Variants in RYR3 observed in about 807,000 individuals in gnomAD.
RYR3 encodes ryanodine receptor 3.
In RYR3, 207 loss-of-function variants were observed where a neutral mutation model predicts 584.3. The ratio of observed to expected loss-of-function variants is 0.35; its 90% CI spans 0.32 to 0.40. RYR3 has a LOEUF of 0.40. Among genes scored for constraint, RYR3 ranks in the 10% least tolerant of loss-of-function variants. The probability of loss-of-function intolerance (pLI) is 1.00; values close to 1 mark genes in which losing one functional copy is unlikely to be tolerated. For synonymous variants in RYR3, 2,416 were observed against 2,248.5 expected (o/e 1.07, Z -2.11); for missense variants, 5,616 against 6,089.2 (o/e 0.92, Z 2.59).
chr15:33,398,707 A>T (rs900930103), intron 1 of RYR3, among the ~76,000 whole-genome samples: 3 of 152,172 alleles, frequency 2.0e-5, no homozygotes, highest in Non-Finnish European at 4.4e-5. Flanking sequence ...GTGGTTAGGC[A>T]CACAGCAAAG....
Position 33,384,603 on chromosome 15 carries a change from A to G in RYR3, c.51+73507A>G, listed in dbSNP as rs78072662. The stretch of plus-strand genomic sequence containing the variant: ...CTTATATATACATATCTATATATGC[A>G]CACACACACACACACACACGTTGTG... On this transcript the variant is annotated intron_variant, in intron 1 of 103. Transcript: ENST00000634891. 9.9e-3 allele frequency among the ~76,000 whole-genome samples: 1,422 copies of G among 144,152 alleles called. 28 individuals carry two copies. The highest frequency in any genetic ancestry group is 0.037 in the African/African-American group (1,342 of 36,646). 94.6% of individuals were successfully genotyped at this position (144,152 alleles called of 152,430 possible). A position where few individuals can be genotyped will look rare whatever the true frequency, so the allele number is the denominator to read the frequency against.
At chr15:33,763,892 C>CAAAA (rs796878162) in intron 60 of RYR3, among the ~76,000 whole-genome samples, 36 of 45,808 alleles carry the variant, frequency 7.9e-4, no homozygotes, top group South Asian at 1.2e-3. Context: ...GACTTCATCT[C>CAAAA]AAAAAAAAAA....
chr15:33,748,469 G>A lies in RYR3; in HGVS notation c.8138G>A (p.Gly2713Asp). The change falls in exon 55 of 104, where the codon GGC becomes GAC. Residue 2713 changes from glycine to aspartate, a missense_variant and splice_region_variant. Gly to Asp is a moderately conservative substitution (Grantham distance 94, BLOSUM62 -1). Transcript: ENST00000634891. Reference sequence around the variant, plus strand: ...GTGACTCTGCCTTTGCTTTCCTAGGGCAACAGCTACAGTCCTGCTCCCCTC... The same window carrying A: ...GTGACTCTGCCTTTGCTTTCCTAGGACAACAGCTACAGTCCTGCTCCCCTC... Reference protein sequence around the residue: ...KLRSVSQANQGNSYSPAPLDL... With the variant: ...KLRSVSQANQDNSYSPAPLDL... 6.2e-7 allele frequency: 1 copy of A among 1,613,174 alleles called. No individual in the cohort carries two copies. Among genetic ancestry groups the A allele is most frequent in the Non-Finnish European group, 8.5e-7 (1 of 1,179,642 alleles).
rs565581987 is a variant in RYR3, at chr15:33,573,236, GGCT to G, written c.1268+6440_1268+6442del. Among the ~76,000 whole-genome samples the G allele has an allele frequency of 9.5e-4, 144 of 152,226 alleles. 1 individual carries two copies. Among genetic ancestry groups the G allele is most frequent in the African/African-American group, 3.3e-3 (139 of 41,534 alleles). On this transcript the variant is annotated intron_variant, in intron 12 of 103. Coordinates refer to ENST00000634891, the MANE Select transcript of RYR3 (RefSeq NM_001036.6). Reference sequence around the variant, plus strand: ...AAAATATCAATGCTGAGGGGGTGTGGGCTGCAAAAGTTACAGTGTTTGGATTTT... The same window carrying G: ...AAAATATCAATGCTGAGGGGGTGTGGGCAAAAGTTACAGTGTTTGGATTTT...
At chr15:33,683,553 C>G (rs2064781543) in intron 38 of RYR3, among the ~76,000 whole-genome samples, 1 of 152,174 alleles carries the variant, frequency 6.6e-6, no homozygotes, top group African/African-American at 2.4e-5. Context: ...TGGTCTGCAG[C>G]TCCCAGCATG....
At chr15:33,619,621 A>G (rs1258627633) in intron 19 of RYR3, among the ~76,000 whole-genome samples, 1 of 152,182 alleles carries the variant, frequency 6.6e-6, no homozygotes, top group Non-Finnish European at 1.5e-5. Context: ...AACAAGAACA[A>G]TTTTGTCAGT....
chr15:33,570,574 A>T (rs1255407783), intron 12 of RYR3, among the ~76,000 whole-genome samples: 1 of 152,098 alleles, frequency 6.6e-6, no homozygotes, highest in Non-Finnish European at 1.5e-5. Flanking sequence ...GGTCCTTTGT[A>T]TTCCCATGTA....
chr15:33,612,521 C>G (rs377605420), intron 18 of RYR3, among the ~76,000 whole-genome samples: 1 of 152,112 alleles, frequency 6.6e-6, no homozygotes, highest in African/African-American at 2.4e-5. Context: ...CCACCACACC[C>G]GGCTACTTTT....
intron 1 of RYR3, among the ~76,000 whole-genome samples, chr15:33,464,006 A>G (rs2048246806): frequency 6.6e-6 from 1 of 152,122 alleles, no homozygotes; most frequent in African/African-American, 2.4e-5. Flanking sequence ...AACTAAAATG[A>G]CTAATCTTTC....
chr15:33,339,653 G>A (rs1347030926), intron 1 of RYR3, among the ~76,000 whole-genome samples: 1 of 152,174 alleles, frequency 6.6e-6, no homozygotes, highest in Non-Finnish European at 1.5e-5. Context: ...ACTTTGGGAG[G>A]CCGAGGCGGG....
In RYR3 at chr15:33,673,012, G is replaced by A. The variant is rs1267479754; in HGVS notation, c.5860+2456G>A. Among the ~76,000 whole-genome samples the A allele has an allele frequency of 7.2e-5, 11 of 152,278 alleles. 1 individual carries two copies. The East Asian group carries it at 7.7e-4, about 11-fold the overall frequency. ...GAGTAAAGCTATGGCTTGAAGGCAG[G>A]TCTTCTGTCTCTTTGTATTGTGCTG... On this transcript the variant is annotated intron_variant, in intron 38 of 103. Coordinates refer to ENST00000634891, the MANE Select transcript of RYR3 (RefSeq NM_001036.6).
At chr15:33,468,630 G>A (rs1217222023) in intron 1 of RYR3, among the ~76,000 whole-genome samples, 2 of 152,152 alleles carry the variant, frequency 1.3e-5, no homozygotes, top group Admixed American at 6.5e-5. Flanking sequence ...AACACATTAT[G>A]TTTCCAGCTT....
At chr15:33,689,269 TA>T (rs944796573) in intron 38 of RYR3, among the ~76,000 whole-genome samples, 5 of 151,146 alleles carry the variant, frequency 3.3e-5, no homozygotes, top group African/African-American at 1.2e-4. Context: ...ATACCTAATG[TA>T]AATGACGAGT....
chr15:33,382,301 T>C (rs1050525397), intron 1 of RYR3, among the ~76,000 whole-genome samples: 2 of 149,464 alleles, frequency 1.3e-5, no homozygotes, highest in African/African-American at 5.0e-5. Context: ...CCACAGGAAC[T>C]GCTAATTTTA....
At chr15:33,819,206 C>T (rs899231625) in intron 76 of RYR3, among the ~76,000 whole-genome samples, 5 of 152,232 alleles carry the variant, frequency 3.3e-5, no homozygotes, top group Non-Finnish European at 5.9e-5. Flanking sequence ...AAAGATTAAA[C>T]AGCCTAAAAC....
At chr15:33,698,686 G>A (rs1421088816) in intron 40 of RYR3, among the ~76,000 whole-genome samples, 1 of 151,718 alleles carries the variant, frequency 6.6e-6, no homozygotes, top group African/African-American at 2.4e-5. Context: ...GAGGGGGTGG[G>A]TGTGTAGAAG....
intron 38 of RYR3, among the ~76,000 whole-genome samples, chr15:33,689,170 A>G (rs1195404454): frequency 2.2e-5 from 3 of 138,996 alleles, no homozygotes; most frequent in African/African-American, 8.1e-5. Context: ...GGAATTGAAC[A>G]ATGAGAACCC....
intron 53 of RYR3, among the ~76,000 whole-genome samples, chr15:33,747,842 T>C (rs569107261): frequency 6.6e-6 from 1 of 152,214 alleles, no homozygotes; most frequent in East Asian, 1.9e-4. Flanking sequence ...CTCCCATTCC[T>C]GTTCTTCGTC....
At chr15:33,383,159 G>C (rs2041323245) in intron 1 of RYR3, among the ~76,000 whole-genome samples, 1 of 151,354 alleles carries the variant, frequency 6.6e-6, no homozygotes, top group African/African-American at 2.4e-5. Context: ...TAAGTGATGG[G>C]GGTAACAGTG....
Sources: allele counts gnomAD v4.1 joint callset (sites outside exome capture counted in the v4.1 genomes callset), GRCh38; gene constraint gnomAD v4.1.1; transcripts MANE v1.5; gene names NCBI Gene and HGNC (gene_info 2026-07-23, HGNC 2026-07-21).